The following ALG9 variants were observed in gnomAD, a reference collection of about 807,000 sequenced individuals.
ALG9 encodes alpha-1,2-mannosyltransferase ALG9.
Under a neutral mutation model 81.8 loss-of-function variants are expected in ALG9, and 55 were observed. The observed-to-expected ratio is 0.67, with a 90% CI of 0.54 to 0.84. The LOEUF is 0.84. Among genes scored for constraint, ALG9 ranks in the 40% least tolerant of loss-of-function variants. The probability of loss-of-function intolerance (pLI) is 0.00; values close to 1 mark genes in which losing one functional copy is unlikely to be tolerated. For missense variants in ALG9, 629 were observed against 745.0 expected (o/e 0.84, Z 1.81); for synonymous variants, 278 against 274.3 (o/e 1.01, Z -0.13).
At chr11:111,825,144 T>C (rs1342033950) in intron 13 of ALG9, among the ~76,000 whole-genome samples, 1 of 152,212 alleles carries the variant, frequency 6.6e-6, no homozygotes, top group African/African-American at 2.4e-5. Context: ...ATGGTAGTGC[T>C]TGAGTCCTAA....
chr11:111,843,827 T>A (rs543281849), intron 9 of ALG9, among the ~76,000 whole-genome samples: 10 of 152,304 alleles, frequency 6.6e-5, no homozygotes, highest in Admixed American at 5.2e-4. Context: ...AAGAAAAGCA[T>A]CATGCTTCTG....
intron 3 of ALG9, among the ~76,000 whole-genome samples, chr11:111,865,782 A>G (rs1555152304): frequency 6.6e-6 from 1 of 152,248 alleles, no homozygotes; most frequent in African/African-American, 2.4e-5. Flanking sequence ...AAGAAATGTA[A>G]TAAAATGGTA....
intron 4 of ALG9, 27 bp from the exon 5 acceptor site, chr11:111,860,662 AT>A: frequency 6.5e-7 from 1 of 1,543,272 alleles, no homozygotes; most frequent in Non-Finnish European, 8.9e-7. Flanking sequence ...GACTATCAGC[AT>A]TGAGAATATT....
chr11:111,836,051 A>T, intron 13 of ALG9, 114 bp downstream of exon 13: 1 of 1,460,626 alleles, frequency 6.8e-7, no homozygotes, highest in Non-Finnish European at 9.5e-7. Flanking sequence ...ACCCGGCCTT[A>T]AAAAAATTGC....
chr11:111,839,047 A>G (rs1280338009), intron 10 of ALG9, among the ~76,000 whole-genome samples: 2 of 151,934 alleles, frequency 1.3e-5, no homozygotes, highest in African/African-American at 2.4e-5. Flanking sequence ...AACCTTTTTC[A>G]TATTTTTTGG....
downstream of ALG9, among the ~76,000 whole-genome samples, chr11:111,781,459 C>A (rs1300809982): frequency 1.4e-4 from 21 of 152,024 alleles, no homozygotes; most frequent in Non-Finnish European, 2.5e-4. Context: ...AAAATTTATT[C>A]CTTCTGACAA....
At chr11:111,828,562 TA>T (rs1191733966) in intron 13 of ALG9, among the ~76,000 whole-genome samples, 1 of 152,150 alleles carries the variant, frequency 6.6e-6, no homozygotes, top group Non-Finnish European at 1.5e-5. Context: ...AAGATAGTAT[TA>T]AATATGACTA....
chr11:111,833,801 G>A (rs1003258499), intron 13 of ALG9, among the ~76,000 whole-genome samples: 2 of 152,132 alleles, frequency 1.3e-5, no homozygotes, highest in East Asian at 1.9e-4. Context: ...ATCACCTTTC[G>A]GGTAAAGCTC....
In ALG9 at chr11:111,786,477, C is replaced by T. The variant is rs1946486941; in HGVS notation, c.1777G>A (p.Asp593Asn). The change falls in exon 15 of 15, where the codon GAT becomes AAT. Residue 593 changes from aspartate (D) to asparagine (N), a missense_variant. Asp to Asn is a conservative substitution (Grantham distance 23). Transcript: ENST00000616540. ...LRAFYVPFLS[D>N]QYTVYVNYTI... ...TAGTTTACGTACACTGTATACTGAT[C>T]TGACAGGAAGGGGACATAGAATGCC... The T allele has an allele frequency of 1.2e-6, 2 of 1,613,862 alleles. No individual in the cohort carries two copies. The highest frequency in any genetic ancestry group is 1.3e-5 in the African/African-American group (1 of 74,862).
rs1449388866 is a variant in ALG9, at chr11:111,786,198, A to C, written c.*199T>G. On this transcript the variant is annotated 3_prime_UTR_variant, in exon 15 of 15. Transcript: ENST00000616540. ...CTAGCTGCAAAAAGTTTACATGCAG[A>C]ACAGAGACACACACAGGGAGCAAAT... 5 of 792,944 alleles carry C rather than the reference A, an allele frequency of 6.3e-6. No homozygotes were observed. The highest frequency in any genetic ancestry group is 1.1e-5 in the Non-Finnish European group (5 of 473,124). 49.1% of individuals were successfully genotyped at this position (792,944 alleles called of 1,614,324 possible).
intron 9 of ALG9, among the ~76,000 whole-genome samples, chr11:111,842,798 T>C (rs1555125206): frequency 6.6e-6 from 1 of 152,224 alleles, no homozygotes; most frequent in Non-Finnish European, 1.5e-5. Flanking sequence ...GAAAATGTTT[T>C]CTTACTAGGT....
chr11:111,821,576 T>A (rs1284790355), intron 13 of ALG9, among the ~76,000 whole-genome samples: 3 of 152,090 alleles, frequency 2.0e-5, no homozygotes, highest in Non-Finnish European at 4.4e-5. Flanking sequence ...CTCATGTGTG[T>A]CACTAATGAG....
At position 111,809,678 on chromosome 11, in the gene ALG9, G is replaced by A; in HGVS notation, c.1698C>T (p.Ile566=). 1.9e-6 allele frequency: 3 copies of A among 1,614,082 alleles called. No individual in the cohort carries two copies. The highest frequency in any genetic ancestry group is 2.5e-6 in the Non-Finnish European group (3 of 1,179,976). Residue 566 remains isoleucine (I), a synonymous_variant, in exon 14 of 15, where the codon ATC becomes ATT. Transcript: ENST00000616540. ...CAAGGAATGGTCTATAGGCCAAGCT[G>A]ATCCATTCTTCTTTATTGGATGAAT... ...PKYSSNKEEW[I]SLAYRPFLDA...
chr11:111,828,908 A>G (rs1430373928), intron 13 of ALG9: 4 of 152,186 alleles, frequency 2.6e-5, no homozygotes, highest in African/African-American at 9.6e-5. Flanking sequence ...TTCTCTGCAG[A>G]TATTGATTTT....
At chr11:111,820,446 A>G (rs1952145314) in intron 13 of ALG9, among the ~76,000 whole-genome samples, 1 of 152,202 alleles carries the variant, frequency 6.6e-6, no homozygotes, top group Non-Finnish European at 1.5e-5. Flanking sequence ...GGATGAACTC[A>G]TTGTTTTACA....
intron 1 of ALG9, chr11:111,871,122 A>G (rs1964170113): frequency 1.6e-6 from 2 of 1,254,076 alleles, no homozygotes; most frequent in Non-Finnish European, 2.0e-6. Context: ...AGCATCACAG[A>G]TCCGCACTCC....
At chr11:111,780,014 A>G (rs556084643), downstream of ALG9, among the ~76,000 whole-genome samples, 75 of 152,316 alleles carry the variant, frequency 4.9e-4, no homozygotes, top group Middle Eastern at 0.01. Context: ...AACAGCTTTC[A>G]GTTTTAAAAT....
intron 14 of ALG9, among the ~76,000 whole-genome samples, chr11:111,792,242 G>T (rs1947550843): frequency 6.6e-6 from 1 of 152,126 alleles, no homozygotes; most frequent in Non-Finnish European, 1.5e-5. Context: ...TTTATTATCT[G>T]CCCTCCCCCA....
intron 6 of ALG9, among the ~76,000 whole-genome samples, chr11:111,856,874 A>G (rs1465990636): frequency 6.6e-6 from 1 of 152,180 alleles, no homozygotes; most frequent in African/African-American, 2.4e-5. Flanking sequence ...TGTGAGGCCA[A>G]GGTGAGCGGA....
Sources: gnomAD v4.1 joint callset for allele counts (sites outside exome capture counted in the v4.1 genomes callset) on GRCh38, gnomAD v4.1.1 for gene constraint, MANE v1.5 for transcripts, NCBI Gene and HGNC (gene_info 2026-07-23, HGNC 2026-07-21) for gene names.